Variants in ATXN1 observed in about 807,000 individuals in gnomAD.
ATXN1 encodes ataxin-1.
A neutral mutation model predicts 56.4 loss-of-function variants in ATXN1; 8 were observed. The ratio of observed to expected loss-of-function variants is 0.14; its 90% CI spans 0.08 to 0.26. The LOEUF (loss-of-function observed/expected upper bound fraction) is 0.26, where lower values mean the gene tolerates loss of function less well. Ranked by LOEUF, ATXN1 falls within the 10% of genes least tolerant of loss-of-function variation. The pLI is 1.00. For missense variants in ATXN1, 987 were observed against 1,106.5 expected, an observed-to-expected ratio of 0.89 and a Z score of 1.53; for synonymous variants, 514 against 494.6, an observed-to-expected ratio of 1.04 and a Z score of -0.52.
chr6:16,457,241 T>C (rs530384385), intron 6 of ATXN1, among the ~76,000 whole-genome samples: 3 of 152,282 alleles, frequency 2.0e-5, no homozygotes, highest in Non-Finnish European at 4.4e-5. Context: ...GAGAATCCAT[T>C]GGTAAGGGCC....
At chr6:16,481,622 G>A (rs1401858563) in intron 6 of ATXN1, among the ~76,000 whole-genome samples, 2 of 152,210 alleles carry the variant, frequency 1.3e-5, no homozygotes, top group East Asian at 3.9e-4. Context: ...GTCCTCAAAA[G>A]CTAACTAGCA....
chr6:16,376,267 A>G (rs1193731159), intron 6 of ATXN1, among the ~76,000 whole-genome samples: 1 of 152,202 alleles, frequency 6.6e-6, no homozygotes, highest in African/African-American at 2.4e-5. Context: ...AGAGAGAAAA[A>G]AATTACACTC....
intron 6 of ATXN1, among the ~76,000 whole-genome samples, chr6:16,365,875 T>C (rs1761907439): frequency 6.6e-6 from 1 of 152,240 alleles, no homozygotes; most frequent in Non-Finnish European, 1.5e-5. Flanking sequence ...TATATATTAA[T>C]CATTTCCACT....
intron 6 of ATXN1, among the ~76,000 whole-genome samples, chr6:16,437,145 G>A (rs1288061720): frequency 6.6e-6 from 1 of 152,170 alleles, no homozygotes; most frequent in East Asian, 1.9e-4. Context: ...GGCTGGAGAA[G>A]GTGTCAGTTT....
At chr6:16,338,836 G>A (rs898311146) in intron 6 of ATXN1, among the ~76,000 whole-genome samples, 20 of 152,086 alleles carry the variant, frequency 1.3e-4, no homozygotes, top group Admixed American at 3.3e-4. Context: ...ATGGGTGTTT[G>A]AGAGTTCATT....
intron 6 of ATXN1, among the ~76,000 whole-genome samples, chr6:16,330,332 C>T (rs1233421961): frequency 6.6e-6 from 1 of 152,098 alleles, no homozygotes; most frequent in African/African-American, 2.4e-5. Context: ...CTCTACTCTG[C>T]CCCCTACTTT....
chr6:16,681,704 T>C (rs1391172612), intron 2 of ATXN1, among the ~76,000 whole-genome samples: 2 of 152,180 alleles, frequency 1.3e-5, no homozygotes, highest in Admixed American at 1.3e-4. Flanking sequence ...TTTCAAGTCA[T>C]GATTAGGCCA....
At chr6:16,472,168 G>A (rs1167274045) in intron 6 of ATXN1, among the ~76,000 whole-genome samples, 2 of 152,026 alleles carry the variant, frequency 1.3e-5, no homozygotes, top group Non-Finnish European at 2.9e-5. Flanking sequence ...GCACACCTGC[G>A]TCTTCACCCC....
In ATXN1 at chr6:16,408,325, C is replaced by T. The variant is rs765700326; in HGVS notation, c.-161+77647G>A. ...GGGCCTTGTGAAATCTCAGTTACTTCGTGTCTCCTTTAAATAAACTATAGT... is the reference window on the plus strand; with the variant it reads ...GGGCCTTGTGAAATCTCAGTTACTTTGTGTCTCCTTTAAATAAACTATAGT... On this transcript the variant is annotated intron_variant, in intron 6 of 7. Transcript: ENST00000436367. Among the ~76,000 whole-genome samples the T allele has an allele frequency of 9.9e-5, 15 of 152,250 alleles. 2 individuals are homozygous for T. In the Middle Eastern group the frequency reaches 0.02, roughly 207 times the overall value.
intron 4 of ATXN1, among the ~76,000 whole-genome samples, chr6:16,573,311 C>A (rs1762365259): frequency 6.6e-6 from 1 of 152,136 alleles, no homozygotes; most frequent in Admixed American, 6.5e-5. Context: ...TAAATATGAC[C>A]CAGAAATCAT....
chr6:16,401,908 A>G (rs1758581805), intron 6 of ATXN1, among the ~76,000 whole-genome samples: 1 of 152,188 alleles, frequency 6.6e-6, no homozygotes, highest in African/African-American at 2.4e-5. Flanking sequence ...GTTTAATTGG[A>G]CTTACAGTTC....
At chr6:16,426,665 C>A (rs1407180262) in intron 6 of ATXN1, among the ~76,000 whole-genome samples, 1 of 151,644 alleles carries the variant, frequency 6.6e-6, no homozygotes, top group Non-Finnish European at 1.5e-5. Flanking sequence ...GAGACACTGG[C>A]AGCAAAATCT....
chr6:16,659,295 G>A (rs1261396938), intron 2 of ATXN1, among the ~76,000 whole-genome samples: 1 of 152,190 alleles, frequency 6.6e-6, no homozygotes, highest in Non-Finnish European at 1.5e-5. Context: ...CCACTCAAAT[G>A]TGTAAGGCAA....
At position 16,711,588 on chromosome 6, in the gene ATXN1, T is replaced by TAA. The variant is rs56970591; in HGVS notation, c.-615+41643_-615+41644dup. Reference sequence around the variant, plus strand: ...CACACATATATGTAAGTTCACAAAATAAAAAAAAAAACCATCTATATCTAT... The same window carrying TAA: ...CACACATATATGTAAGTTCACAAAATAAAAAAAAAAAAACCATCTATATCTAT... On this transcript the variant is annotated intron_variant, in intron 2 of 7. Transcript: ENST00000436367. Among the ~76,000 whole-genome samples, 93 of 147,000 alleles carry TAA rather than the reference T, an allele frequency of 6.3e-4. 1 individual carries two copies. The highest frequency in any genetic ancestry group is 1.3e-3 in the African/African-American group (52 of 40,046).
At chr6:16,611,233 T>C (rs377123481) in intron 3 of ATXN1, among the ~76,000 whole-genome samples, 2 of 152,346 alleles carry the variant, frequency 1.3e-5, no homozygotes, top group East Asian at 1.9e-4. Flanking sequence ...TAAAATGTGT[T>C]AATCTTATCT....
chr6:16,690,820 T>A (rs1342602832), intron 2 of ATXN1, among the ~76,000 whole-genome samples: 4 of 152,108 alleles, frequency 2.6e-5, no homozygotes, highest in Admixed American at 1.3e-4. Flanking sequence ...CTGACCATAC[T>A]GTGGGGCAGA....
At position 16,377,077 on chromosome 6, in the gene ATXN1, G is replaced by A. The variant is rs181671433; in HGVS notation, c.-160-48607C>T. ...GTGCCCATCTATAAGGGACCCCAGAGAGCGACCTTGCTCCTTCCACCATGT... is the reference window on the plus strand; with the variant it reads ...GTGCCCATCTATAAGGGACCCCAGAAAGCGACCTTGCTCCTTCCACCATGT... On this transcript the variant is annotated intron_variant, in intron 6 of 7. Transcript: ENST00000436367. Among the ~76,000 whole-genome samples, 7 of 152,238 alleles carry A rather than the reference G, an allele frequency of 4.6e-5. No homozygotes were observed. The East Asian group carries it at 1.4e-3, about 29-fold the overall frequency.
intron 6 of ATXN1, among the ~76,000 whole-genome samples, chr6:16,457,409 G>A (rs970308492): frequency 3.3e-5 from 5 of 151,504 alleles, no homozygotes; most frequent in African/African-American, 1.2e-4. Context: ...AACTGCAGGC[G>A]GTTTTTTCTT....
At chr6:16,620,388 T>C (rs1169464498) in intron 3 of ATXN1, among the ~76,000 whole-genome samples, 2 of 152,106 alleles carry the variant, frequency 1.3e-5, no homozygotes, top group Non-Finnish European at 2.9e-5. Context: ...TGCTATCGTT[T>C]AGTGATGCTG....
Sources: gnomAD v4.1 joint callset for allele counts (sites outside exome capture counted in the v4.1 genomes callset) on GRCh38, gnomAD v4.1.1 for gene constraint, MANE v1.5 for transcripts, NCBI Gene and HGNC (gene_info 2026-07-23, HGNC 2026-07-21) for gene names.